TMEM175: variants seen among roughly 807,000 people sequenced by gnomAD.
TMEM175 encodes endosomal/lysosomal proton channel TMEM175.
Under a neutral mutation model 36.5 loss-of-function variants are expected in TMEM175, and 36 were observed. The observed-to-expected ratio is 0.99, with a 90% CI of 0.76 to 1.30. The LOEUF (loss-of-function observed/expected upper bound fraction) is 1.30. Among genes scored for constraint, TMEM175 ranks in the 50% most tolerant of loss-of-function variants. TMEM175 has a pLI of 0.00. For missense variants in TMEM175, 705 were observed against 692.8 expected, an observed-to-expected ratio of 1.02 and a Z score of -0.20; for synonymous variants, 339 against 313.4, an observed-to-expected ratio of 1.08 and a Z score of -0.86.
chr4:951,268 T>C lies in TMEM175; in HGVS notation c.342+10T>C, dbSNP rs936653587. 6.2e-7 allele frequency: 1 copy of C among 1,614,076 alleles called. No individual in the cohort carries two copies. The highest frequency in any genetic ancestry group is 8.5e-7 in the Non-Finnish European group (1 of 1,179,960). On this transcript the variant is annotated intron_variant, in intron 5 of 10. Coordinates refer to ENST00000264771, the MANE Select transcript of TMEM175 (RefSeq NM_032326.4). ...TGCCCTGCTCAACCTGGTGAGTATT[T>C]TCCGGTCCTTTTCTGGGGAGTGACT...
intron 10 of TMEM175, chr4:956,364 T>A: frequency 7.8e-7 from 1 of 1,290,184 alleles, no homozygotes; most frequent in Non-Finnish European, 1.0e-6. Flanking sequence ...CAGCGTCTGC[T>A]CCTCCGCGGC....
chr4:933,846 A>G (rs1726444796), intron 1 of TMEM175, among the ~76,000 whole-genome samples: 1 of 152,262 alleles, frequency 6.6e-6, no homozygotes, highest in Non-Finnish European at 1.5e-5. Context: ...ATGTTATGGA[A>G]TGAAGTATTG....
At position 932,636 on chromosome 4, in the gene TMEM175, G is replaced by A. The variant is rs1018502307; in HGVS notation, c.-32+96G>A. 11 of 348,496 alleles carry A rather than the reference G, an allele frequency of 3.2e-5. No homozygotes were observed. Among genetic ancestry groups the A allele is most frequent in the Non-Finnish European group, 5.2e-5 (10 of 194,090 alleles). 21.6% of individuals were successfully genotyped at this position (348,496 alleles called of 1,614,324 possible). On this transcript the variant is annotated intron_variant, in intron 1 of 10. Transcript: ENST00000264771. This position sits in a 1 kb window ranked among gnomAD's most constrained non-coding sequence, Gnocchi z 4.0. ...CAGGTGTCTCCGGTTTAAGCGCTTC[G>A]CCATCCTCTGGGTGGAGTCAGCCTC...
intron 1 of TMEM175, among the ~76,000 whole-genome samples, chr4:941,041 A>AATAATAATC (rs1727404606): frequency 7.5e-6 from 1 of 133,706 alleles, no homozygotes; most frequent in Admixed American, 7.8e-5. Flanking sequence ...TAATAATAAT[A>AATAATAATC]ATAATAATGG....
intron 3 of TMEM175, 23 bp downstream of exon 3, chr4:948,177 G>A: frequency 6.2e-7 from 1 of 1,614,108 alleles, no homozygotes; most frequent in Non-Finnish European, 8.5e-7. Context: ...GCTGTGCTCT[G>A]CGTGGTGTGG....
At position 950,520 on chromosome 4, in the gene TMEM175, TG is replaced by T; in HGVS notation, c.290+7del. The T allele has an allele frequency of 6.2e-7, 1 of 1,613,072 alleles. No homozygotes were observed. Among genetic ancestry groups the T allele is most frequent in the Non-Finnish European group, 8.5e-7 (1 of 1,179,266 alleles). On this transcript the variant is annotated splice_donor_region_variant and intron_variant, in intron 4 of 10. Coordinates refer to ENST00000264771, the MANE Select transcript of TMEM175 (RefSeq NM_032326.4). ...AGTGGCCTGGGCAGCACACACAAGG[TG>T]GGGGCCCGGGCGCTTCCAGCGGTCC...
At chr4:956,346 C>G in intron 10 of TMEM175, 2 of 1,290,538 alleles carry the variant, frequency 1.5e-6, no homozygotes, top group Non-Finnish European at 2.0e-6. Context: ...CTGGCTGTTG[C>G]TTCCTTCCAG....
chr4:958,529 C>T lies in TMEM175; in HGVS notation c.*33C>T, dbSNP rs189163676. On this transcript the variant is annotated 3_prime_UTR_variant, in exon 11 of 11. Coordinates refer to ENST00000264771, the MANE Select transcript of TMEM175 (RefSeq NM_032326.4). ...AGAGCCCACTCCCAGCCGTCCTCAC[C>T]AGAGATGGACCAGGGAGGACAGGAT... The T allele has an allele frequency of 2.1e-4, 308 of 1,451,428 alleles. 1 individual carries two copies. The African/African-American group carries it at 3.6e-3, about 17-fold the overall frequency. 89.9% of individuals were successfully genotyped at this position (1,451,428 alleles called of 1,614,324 possible). A position where few individuals can be genotyped will look rare whatever the true frequency, so the allele number is the denominator to read the frequency against.
intron 1 of TMEM175, among the ~76,000 whole-genome samples, chr4:936,605 C>T (rs568919295): frequency 2.8e-4 from 43 of 151,734 alleles, no homozygotes; most frequent in African/African-American, 9.4e-4. Context: ...AATTCAGCAG[C>T]TTACACTAAA....
chr4:958,298 G>C lies in TMEM175; in HGVS notation c.1317G>C (p.Leu439=), dbSNP rs1333140254. Residue 439 remains leucine (L), a synonymous_variant, in exon 11 of 11, where the codon CTG becomes CTC. Coordinates refer to ENST00000264771, the MANE Select transcript of TMEM175 (RefSeq NM_032326.4). The part of the protein sequence containing the change: ...ASLLAFASTC[L]LSRFSVGIFH... ...TGCTGGCCTTCGCCTCCACCTGCCT[G>C]CTGAGCAGGTTCAGTGTGGGCATCT... 1.7e-5 allele frequency: 27 copies of C among 1,605,952 alleles called. No homozygotes were observed. The highest frequency in any genetic ancestry group is 2.2e-5 in the Non-Finnish European group (26 of 1,179,800).
intron 1 of TMEM175, among the ~76,000 whole-genome samples, chr4:939,116 G>C (rs1475051860): frequency 1.3e-5 from 2 of 152,238 alleles, no homozygotes; most frequent in Non-Finnish European, 2.9e-5. Flanking sequence ...GGGCAACAGT[G>C]TGGAGTTGAT....
intron 1 of TMEM175, among the ~76,000 whole-genome samples, chr4:936,975 G>C (rs1403361804): frequency 1.3e-5 from 2 of 151,714 alleles, no homozygotes; most frequent in African/African-American, 4.8e-5. Context: ...AAGAGAAATT[G>C]TGTTGTATGA....
At position 953,374 on chromosome 4, in the gene TMEM175, G is replaced by A. The variant is rs199699012; in HGVS notation, c.627+20G>A. 843 of 1,585,988 alleles carry A rather than the reference G, an allele frequency of 5.3e-4. 5 individuals are homozygous for A. Among genetic ancestry groups the A allele is most frequent in the Non-Finnish European group, 1.6e-4 (182 of 1,164,254 alleles). On this transcript the variant is annotated intron_variant, in intron 8 of 10. Coordinates refer to ENST00000264771, the MANE Select transcript of TMEM175 (RefSeq NM_032326.4). ...CCCTTGGTGAGTGCTGGGACAGCCC[G>A]TGGGGCCCAGGCAGGAACGGGGGCC...
At chr4:957,092 G>T (rs1306526189) in intron 10 of TMEM175, among the ~76,000 whole-genome samples, 1 of 152,218 alleles carries the variant, frequency 6.6e-6, no homozygotes, top group Non-Finnish European at 1.5e-5. Context: ...TCCACCTGGA[G>T]CCATGGCCAG....
In TMEM175 at chr4:952,456, G is replaced by C; in HGVS notation, c.462+6G>C. 2 of 1,579,126 alleles carry C rather than the reference G, an allele frequency of 1.3e-6. No individual in the cohort carries two copies. Among genetic ancestry groups the C allele is most frequent in the Non-Finnish European group, 1.7e-6 (2 of 1,163,716 alleles). On this transcript the variant is annotated splice_donor_region_variant and intron_variant, in intron 7 of 10. Transcript: ENST00000264771. ...TCGCCATTGGGGTCGTGCAGGTAGG[G>C]GGCCTGGGGGGCCTGCACTGTGTGT... is the stretch of plus-strand genomic sequence containing the variant.
At chr4:951,968 C>T in intron 6 of TMEM175, 1 of 590,812 alleles carries the variant, frequency 1.7e-6, no homozygotes, top group Non-Finnish European at 3.0e-6. Context: ...GAGCCCACAG[C>T]CCCCTGCCCA....
chr4:956,302 C>A (rs999465365), intron 10 of TMEM175: 5 of 1,283,120 alleles, frequency 3.9e-6, no homozygotes, highest in Non-Finnish European at 5.0e-6. Context: ...CCCAGTGCCC[C>A]CCATCGCTTC....
intron 6 of TMEM175, among the ~76,000 whole-genome samples, 166 bp from the exon 7 acceptor site, chr4:952,201 G>C (rs1018349831): frequency 2.0e-5 from 3 of 152,180 alleles, no homozygotes; most frequent in African/African-American, 7.2e-5. Flanking sequence ...GGTGGGGGCA[G>C]TTTGGACACA....
At chr4:938,588 T>C (rs942859498) in intron 1 of TMEM175, among the ~76,000 whole-genome samples, 2 of 152,112 alleles carry the variant, frequency 1.3e-5, no homozygotes, top group African/African-American at 4.8e-5. Flanking sequence ...AAGATAAATA[T>C]GCAAAAATCA....
Sources: allele counts gnomAD v4.1 joint callset (sites outside exome capture counted in the v4.1 genomes callset), GRCh38; gene constraint gnomAD v4.1.1; non-coding constraint Gnocchi (gnomAD v3.1); transcripts MANE v1.5; gene names NCBI Gene and HGNC (gene_info 2026-07-23, HGNC 2026-07-21).